Variants in NIPAL4 observed in about 807,000 individuals in gnomAD.
NIPAL4 encodes the protein magnesium transporter NIPA4.
A neutral mutation model predicts 31.6 loss-of-function variants in NIPAL4; 21 were observed. That is an observed-to-expected ratio of 0.67 (90% CI 0.47 to 0.96). The LOEUF (loss-of-function observed/expected upper bound fraction) is 0.96, where lower values mean the gene tolerates loss of function less well. Among genes scored for constraint, NIPAL4 ranks in the 40% least tolerant of loss-of-function variants. The probability of loss-of-function intolerance (pLI) is 0.00; values close to 1 mark genes in which losing one functional copy is unlikely to be tolerated. For missense variants in NIPAL4, 438 were observed against 508.0 expected, an observed-to-expected ratio of 0.86 and a Z score of 1.32; for synonymous variants, 175 against 211.1, an observed-to-expected ratio of 0.83 and a Z score of 1.48.
chr5:157,460,649 A>C, intron 1 of NIPAL4: 9 of 355,268 alleles, frequency 2.5e-5, no homozygotes, highest in Non-Finnish European at 4.5e-5. Context: ...ACACCCTGAG[A>C]GGTGGTGGGG....
chr5:157,471,960 G>T, intron 5 of NIPAL4, 143 bp downstream of exon 5: 1 of 660,948 alleles, frequency 1.5e-6, no homozygotes, highest in Non-Finnish European at 2.7e-6. Context: ...ATGTTAATGG[G>T]CTGGTACTTG....
chr5:157,460,267 C>G lies in NIPAL4; in HGVS notation c.-54C>G. ...CAAGTCGCGGCCACCTGCTCCGGAG[C>G]TGGGGAGCCCGGGCGCCGTCCGCCC... On this transcript the variant is annotated 5_prime_UTR_variant, in exon 1 of 6. Coordinates refer to ENST00000311946, the MANE Select transcript of NIPAL4 (RefSeq NM_001099287.2). 1 of 1,544,648 alleles carries G rather than the reference C, an allele frequency of 6.5e-7. No homozygotes were observed. The highest frequency in any genetic ancestry group is 8.7e-7 in the Non-Finnish European group (1 of 1,144,614).
At chr5:157,462,232 C>T (rs1031204380) in intron 1 of NIPAL4, among the ~76,000 whole-genome samples, 1 of 152,224 alleles carries the variant, frequency 6.6e-6, no homozygotes, top group Non-Finnish European at 1.5e-5. Context: ...GGCAACACTG[C>T]CCAGCTGCAG....
chr5:157,468,869 C>G lies in NIPAL4; in HGVS notation c.425+57C>G, dbSNP rs916060761. 9 of 1,231,080 alleles carry G rather than the reference C, an allele frequency of 7.3e-6. No homozygotes were observed. The East Asian group carries it at 1.7e-4, about 23-fold the overall frequency. 76.3% of individuals were successfully genotyped at this position (1,231,080 alleles called of 1,614,324 possible). On this transcript the variant is annotated intron_variant, in intron 4 of 5. Transcript: ENST00000311946. ...CTATTCCGTTTTCAGTTTGTTGAGG[C>G]CTGGAATTGCCAAGTGGGATCGACT...
intron 2 of NIPAL4, among the ~76,000 whole-genome samples, chr5:157,465,865 T>C (rs1754258604): frequency 6.6e-6 from 1 of 152,010 alleles, no homozygotes; most frequent in South Asian, 2.1e-4. Flanking sequence ...CATGGTGGCA[T>C]ATGACTAGTC....
At chr5:157,471,103 A>G (rs1479901501) in intron 4 of NIPAL4, among the ~76,000 whole-genome samples, 1 of 152,166 alleles carries the variant, frequency 6.6e-6, no homozygotes, top group African/African-American at 2.4e-5. Flanking sequence ...ACTGTTTTTA[A>G]AACTATCAGA....
chr5:157,471,699 G>T lies in NIPAL4; in HGVS notation c.468G>T (p.Leu156=). The T allele has an allele frequency of 6.2e-7, 1 of 1,607,772 alleles. No homozygotes were observed. The highest frequency in any genetic ancestry group is 8.5e-7 in the Non-Finnish European group (1 of 1,176,980). The change falls in exon 5 of 6, where the codon CTG becomes CTT. Residue 156 remains leucine (L), a synonymous_variant. Transcript: ENST00000311946. The part of the protein sequence containing the change: ...SSYFLRESLN[L]LGKLGCVICV... ...ATTTCCTGAGGGAGAGTCTGAACCT[G>T]CTGGGGAAGCTGGGCTGTGTGATCT...
At chr5:157,472,119 T>A (rs1334211584) in intron 5 of NIPAL4, among the ~76,000 whole-genome samples, 1 of 152,210 alleles carries the variant, frequency 6.6e-6, no homozygotes, top group African/African-American at 2.4e-5. Flanking sequence ...GATCCTATTG[T>A]TGGTCCTCTT....
At chr5:157,468,509 G>C (rs751952628) in intron 3 of NIPAL4, among the ~76,000 whole-genome samples, 4 of 152,170 alleles carry the variant, frequency 2.6e-5, no homozygotes, top group African/African-American at 4.8e-5. Context: ...TGGGCTTGGG[G>C]CCTTAGCTTC....
chr5:157,468,842 T>C lies in NIPAL4; in HGVS notation c.425+30T>C, dbSNP rs759630385. The C allele has an allele frequency of 2.8e-6, 4 of 1,438,806 alleles. No homozygotes were observed. In the East Asian group the frequency reaches 9.4e-5, roughly 34 times the overall value. The allele number at this position is 1,438,806 out of a possible 1,614,324, so 89.1% of individuals were successfully genotyped here. ...TTGTCCCCTCTCTAGCTCTCTCTTTTTCTATTCCGTTTTCAGTTTGTTGAG... is the reference window on the plus strand; with the variant it reads ...TTGTCCCCTCTCTAGCTCTCTCTTTCTCTATTCCGTTTTCAGTTTGTTGAG... On this transcript the variant is annotated intron_variant, in intron 4 of 5. Transcript: ENST00000311946.
At position 157,473,851 on chromosome 5, in the gene NIPAL4, A is replaced by T. The variant is rs536539773; in HGVS notation, c.*891A>T. 6.6e-6 allele frequency: 1 copy of T among 152,356 alleles called. No individual in the cohort carries two copies. Among genetic ancestry groups the T allele is most frequent in the South Asian group, 2.1e-4 (1 of 4,828 alleles). The allele number at this position is 152,356 out of a possible 1,614,324, so 9.4% of individuals were successfully genotyped here. ...AAAGTGGCCTGGCTGCCAAGCTAGA[A>T]TTTGGCAGAACGCACTTTACTATTC... On this transcript the variant is annotated 3_prime_UTR_variant, in exon 6 of 6. Transcript: ENST00000311946.
intron 4 of NIPAL4, among the ~76,000 whole-genome samples, chr5:157,471,102 A>G (rs1175085225): frequency 6.6e-6 from 1 of 152,198 alleles, no homozygotes; most frequent in African/African-American, 2.4e-5. Flanking sequence ...AACTGTTTTT[A>G]AAACTATCAG....
chr5:157,472,827 AC>A lies in NIPAL4; in HGVS notation c.1085del (p.Pro362HisfsTer24). On this transcript the variant is annotated frameshift_variant, in exon 6 of 6. Coordinates refer to ENST00000311946, the MANE Select transcript of NIPAL4 (RefSeq NM_001099287.2). LOFTEE classifies it high-confidence loss of function. ...GCCAGCTTGCCCCACATGCACAAAAACCCACCCCCTTCTCCCGCCCCGGAAC... is the reference window on the plus strand; with the variant it reads ...GCCAGCTTGCCCCACATGCACAAAAACCACCCCCTTCTCCCGCCCCGGAAC... ...SCASLPHMHK[N>X]PPPSPAPEPT... The A allele has an allele frequency of 6.3e-7, 1 of 1,596,640 alleles. No homozygotes were observed. The highest frequency in any genetic ancestry group is 1.1e-5 in the South Asian group (1 of 89,024).
intron 2 of NIPAL4, among the ~76,000 whole-genome samples, chr5:157,463,605 ACAAGTCTCAGGACCAAGAATCAGATATG>A (rs1754171982): frequency 6.6e-6 from 1 of 152,166 alleles, no homozygotes; most frequent in African/African-American, 2.4e-5. Flanking sequence ...GAGGGAAGGG[ACAAGTCTCAGGACCAAGAATCAGATATG>A]CATGTCTGGT....
intron 4 of NIPAL4, among the ~76,000 whole-genome samples, chr5:157,470,450 A>G (rs535646086): frequency 1.3e-5 from 2 of 152,340 alleles, no homozygotes; most frequent in South Asian, 2.1e-4. Flanking sequence ...TCCTGGTTCC[A>G]CTACTTGCTA....
intron 2 of NIPAL4, 79 bp from the exon 3 acceptor site, chr5:157,466,970 A>G: frequency 9.4e-7 from 1 of 1,058,226 alleles, no homozygotes; most frequent in Non-Finnish European, 1.5e-6. Flanking sequence ...GAGGCCGGGG[A>G]GTGAGCAGAG....
chr5:157,468,150 G>A (rs544765481), intron 3 of NIPAL4, among the ~76,000 whole-genome samples: 1 of 151,268 alleles, frequency 6.6e-6, no homozygotes, highest in Non-Finnish European at 1.5e-5. Context: ...CCCGACCTCA[G>A]GTGATACACC....
chr5:157,460,220 C>A lies in NIPAL4; in HGVS notation c.-101C>A, dbSNP rs747732185. 8.7e-6 allele frequency: 13 copies of A among 1,493,170 alleles called. No individual in the cohort carries two copies. Among genetic ancestry groups the A allele is most frequent in the Middle Eastern group, 1.9e-4 (1 of 5,218 alleles). 92.5% of individuals were successfully genotyped at this position (1,493,170 alleles called of 1,614,324 possible). On this transcript the variant is annotated 5_prime_UTR_variant, in exon 1 of 6. Coordinates refer to ENST00000311946, the MANE Select transcript of NIPAL4 (RefSeq NM_001099287.2). ...CTGGGTCCGGACCCCGGCGGCTTCT[C>A]GCGCGCGAGCCACGCGGGGGACAAG...
At chr5:157,466,415 G>C (rs1376263635) in intron 2 of NIPAL4, among the ~76,000 whole-genome samples, 1 of 152,186 alleles carries the variant, frequency 6.6e-6, no homozygotes, top group Admixed American at 6.5e-5. Flanking sequence ...ATAAGTTGCG[G>C]AGTGACATAA....
Sources: gnomAD v4.1 joint callset for allele counts (sites outside exome capture counted in the v4.1 genomes callset) on GRCh38, gnomAD v4.1.1 for gene constraint, MANE v1.5 for transcripts, NCBI Gene and HGNC (gene_info 2026-07-23, HGNC 2026-07-21) for gene names.